The following ZFHX3 variants were observed in gnomAD, a reference collection of about 807,000 sequenced individuals.
ZFHX3 encodes zinc finger homeobox 3, also known as zinc finger homeobox protein 3.
A neutral mutation model predicts 279.1 loss-of-function variants in ZFHX3; 42 were observed. The observed-to-expected ratio is 0.15, with a 90% confidence interval of 0.12 to 0.19. The LOEUF is 0.19. Ranked by LOEUF, ZFHX3 falls within the 10% of genes least tolerant of loss-of-function variation. The probability of loss-of-function intolerance (pLI) is 1.00; values close to 1 mark genes in which losing one functional copy is unlikely to be tolerated. For synonymous variants in ZFHX3, 2,293 were observed against 1,957.8 expected (o/e 1.17, Z -4.52); for missense variants, 4,981 against 4,754.0 (o/e 1.05, Z -1.40).
intron 1 of ZFHX3, among the ~76,000 whole-genome samples, chr16:73,788,661 T>G (rs1271119250): frequency 1.3e-5 from 2 of 151,878 alleles, no homozygotes; most frequent in Non-Finnish European, 2.9e-5. Context: ...ACACAAATCA[T>G]AAATCACCTC....
chr16:73,450,905 C>A (rs2143558770), intron 3 of ZFHX3, among the ~76,000 whole-genome samples: 1 of 152,244 alleles, frequency 6.6e-6, no homozygotes, highest in South Asian at 2.1e-4. Context: ...TTCTTGGCTG[C>A]TTTAGCTTTC....
intron 3 of ZFHX3, among the ~76,000 whole-genome samples, chr16:73,424,284 G>A (rs566049966): frequency 7.9e-5 from 12 of 152,256 alleles, no homozygotes; most frequent in Non-Finnish European, 1.3e-4. Flanking sequence ...TTACTCTGTG[G>A]CATCACTGTG....
chr16:73,105,434 C>CACACACACACATATATATATATAT (rs1966290091), intron 7 of ZFHX3, among the ~76,000 whole-genome samples: 1 of 41,542 alleles, frequency 2.4e-5, no homozygotes, highest in Non-Finnish European at 8.0e-5. Flanking sequence ...TATATATATA[C>CACACACACACATATATATATATAT]ACACACACAC....
At chr16:73,396,873 C>T (rs1185698595) in intron 3 of ZFHX3, among the ~76,000 whole-genome samples, 2 of 152,186 alleles carry the variant, frequency 1.3e-5, no homozygotes, top group Non-Finnish European at 2.9e-5. Flanking sequence ...CATTTCCTAA[C>T]CTCATTTGTG....
At chr16:73,176,345 T>C (rs60963176) in intron 5 of ZFHX3, among the ~76,000 whole-genome samples, 7,883 of 152,268 alleles carry the variant, frequency 0.052, 717 homozygotes, top group African/African-American at 0.18. Context: ...TCAGGTATCT[T>C]ACAGTGCTAC....
intron 1 of ZFHX3, among the ~76,000 whole-genome samples, chr16:73,807,451 T>C (rs1030063739): frequency 5.9e-5 from 9 of 152,012 alleles, no homozygotes; most frequent in Non-Finnish European, 1.2e-4. Flanking sequence ...ACCAACATCA[T>C]CTGTTAAAAG....
chr16:73,464,625 G>C lies in ZFHX3; in HGVS notation c.-1546-8367C>G, dbSNP rs1051002497. Among the ~76,000 whole-genome samples, 6 of 152,026 alleles carry C rather than the reference G, an allele frequency of 3.9e-5. No homozygotes were observed. In the Middle Eastern group the frequency reaches 0.01, roughly 259 times the overall value. On this transcript the variant is annotated intron_variant, in intron 2 of 17. Coordinates refer to the ZFHX3 transcript ENST00000641206. ...GGGGGGAGAGGGGAAAACACAACAC[G>C]AGCATGTGTTTCTTTTAGAGGAGAG...
Position 72,797,108 on chromosome 16 carries a change from G to C in ZFHX3, c.5574C>G (p.Leu1858=), listed in dbSNP as rs779770576. The change falls in exon 9 of 10, where the codon CTC becomes CTG. Residue 1858 remains leucine, a synonymous_variant. Coordinates refer to ENST00000268489, the MANE Select transcript of ZFHX3 (RefSeq NM_006885.4). ...QILPQQQQNQ[L]SIAQSHSALL... is the part of the protein sequence containing the mutation. Reference sequence around the variant, plus strand: ...GGGCAGAGTGACTCTGGGCTATAGAGAGTTGGTTCTGCTGCTGCTGCGGCA... The same window carrying C: ...GGGCAGAGTGACTCTGGGCTATAGACAGTTGGTTCTGCTGCTGCTGCGGCA... 2 of 1,613,930 alleles carry C rather than the reference G, an allele frequency of 1.2e-6. No individual in the cohort carries two copies. Among genetic ancestry groups the C allele is most frequent in the Non-Finnish European group, 1.7e-6 (2 of 1,180,032 alleles).
chr16:72,876,581 C>T (rs535562203), intron 4 of ZFHX3, among the ~76,000 whole-genome samples: 2 of 151,234 alleles, frequency 1.3e-5, no homozygotes, highest in East Asian at 3.9e-4. Context: ...CTGTTCTACC[C>T]AGGCATGTTG....
At chr16:73,215,386 C>G (rs1387700601) in intron 5 of ZFHX3, among the ~76,000 whole-genome samples, 1 of 152,144 alleles carries the variant, frequency 6.6e-6, no homozygotes, top group Non-Finnish European at 1.5e-5. Context: ...TCACCCATAC[C>G]AAAAAGCACA....
intron 3 of ZFHX3, among the ~76,000 whole-genome samples, chr16:73,362,735 A>G (rs1305051421): frequency 6.6e-6 from 1 of 152,238 alleles, no homozygotes; most frequent in Admixed American, 6.5e-5. Flanking sequence ...AGCCATCCTT[A>G]TCTCCTGGAG....
chr16:72,837,369 G>A (rs1443230649), intron 4 of ZFHX3, among the ~76,000 whole-genome samples: 4 of 151,912 alleles, frequency 2.6e-5, no homozygotes, highest in Non-Finnish European at 5.9e-5. Context: ...TCTCAAAGAT[G>A]ACAACGACAC....
chr16:73,238,071 G>A (rs1363029439), intron 5 of ZFHX3, among the ~76,000 whole-genome samples: 1 of 151,972 alleles, frequency 6.6e-6, no homozygotes, highest in Non-Finnish European at 1.5e-5. Context: ...ACTCCCTCTC[G>A]CAAGACGTCT....
intron 1 of ZFHX3, among the ~76,000 whole-genome samples, chr16:73,054,100 A>G (rs1965501755): frequency 6.6e-6 from 1 of 152,090 alleles, no homozygotes; most frequent in East Asian, 1.9e-4. Flanking sequence ...CCCAAAACCC[A>G]GTTACTACTG....
At chr16:73,015,322 C>G (rs937568091) in intron 1 of ZFHX3, 3 of 152,262 alleles carry the variant, frequency 2.0e-5, no homozygotes, top group Admixed American at 2.0e-4. Context: ...GCTGGGATTA[C>G]AGGCGTGAGC....
chr16:72,817,547 G>T (rs1039899643), intron 5 of ZFHX3, among the ~76,000 whole-genome samples: 2 of 152,144 alleles, frequency 1.3e-5, no homozygotes, highest in Non-Finnish European at 2.9e-5. Context: ...TGTTTCCTAA[G>T]CAAAATTCAT....
intron 5 of ZFHX3, among the ~76,000 whole-genome samples, chr16:73,195,709 G>A (rs1339381048): frequency 6.6e-6 from 1 of 152,076 alleles, no homozygotes; most frequent in East Asian, 1.9e-4. Context: ...GAGCCACCAC[G>A]CCTGGCCTGT....
chr16:72,952,640 C>G (rs1961051357), intron 2 of ZFHX3, among the ~76,000 whole-genome samples: 3 of 152,172 alleles, frequency 2.0e-5, no homozygotes, highest in Admixed American at 1.3e-4. Flanking sequence ...CAGTGAGACA[C>G]GAGGCTCAGC....
rs6564423 is a variant in ZFHX3 at position 73,656,801 on chromosome 16, C to A, written c.-1547+23379G>T. 2.6e-3 allele frequency among the ~76,000 whole-genome samples: 389 copies of A among 152,280 alleles called. 1 individual carries two copies. The highest frequency in any genetic ancestry group is 9.0e-3 in the African/African-American group (375 of 41,558). On this transcript the variant is annotated intron_variant, in intron 2 of 17. Transcript: ENST00000641206. ...ATAAAAATAACAATAGACTCAAGTT[C>A]TGATTACCCTTTTCTCATTCTTTCT...
Sources: gnomAD v4.1 joint callset for allele counts (sites outside exome capture counted in the v4.1 genomes callset) on GRCh38, gnomAD v4.1.1 for gene constraint, MANE v1.5 for transcripts, NCBI Gene and HGNC (gene_info 2026-07-23, HGNC 2026-07-21) for gene names.